Variants in PRKG2 observed in about 807,000 individuals in gnomAD.
PRKG2 encodes cGMP-dependent protein kinase 2.
A neutral mutation model predicts 97.2 loss-of-function variants in PRKG2; 33 were observed. The ratio of observed to expected loss-of-function variants is 0.34; its 90% CI spans 0.26 to 0.45. The LOEUF is 0.45. Ranked by LOEUF, PRKG2 falls within the 20% of genes least tolerant of loss-of-function variation. The probability of loss-of-function intolerance (pLI) is 1.00; values close to 1 mark genes in which losing one functional copy is unlikely to be tolerated. For synonymous variants in PRKG2, 330 were observed against 321.8 expected (o/e 1.03, Z -0.27); for missense variants, 638 against 900.0 (o/e 0.71, Z 3.73).
intron 11 of PRKG2, among the ~76,000 whole-genome samples, chr4:81,141,291 A>G (rs1320983362): frequency 6.6e-6 from 1 of 152,200 alleles, no homozygotes; most frequent in Non-Finnish European, 1.5e-5. Context: ...GATTATAAGC[A>G]TGAGCCACCG....
At chr4:81,172,297 A>G (rs1578465599) in intron 3 of PRKG2, among the ~76,000 whole-genome samples, 1 of 152,246 alleles carries the variant, frequency 6.6e-6, no homozygotes, top group Non-Finnish European at 1.5e-5. Flanking sequence ...ACTGTATGTC[A>G]TAAAAACACA....
intron 9 of PRKG2, among the ~76,000 whole-genome samples, chr4:81,145,774 C>A (rs1404637801): frequency 1.3e-5 from 2 of 152,120 alleles, no homozygotes; most frequent in Non-Finnish European, 2.9e-5. Context: ...AAAGTAAAGA[C>A]CATGCTTTAA....
chr4:81,179,477 T>C (rs1163463123), intron 2 of PRKG2, among the ~76,000 whole-genome samples: 1 of 152,198 alleles, frequency 6.6e-6, no homozygotes, highest in Non-Finnish European at 1.5e-5. Context: ...ATTTTCAAAA[T>C]GTTTTTCCAT....
At chr4:81,150,284 T>C (rs1479823728) in intron 8 of PRKG2, among the ~76,000 whole-genome samples, 3 of 152,202 alleles carry the variant, frequency 2.0e-5, no homozygotes, top group African/African-American at 7.2e-5. Flanking sequence ...GCAAACATTT[T>C]ACAAGTATTA....
chr4:81,111,331 G>A (rs978740091), intron 14 of PRKG2, among the ~76,000 whole-genome samples: 1 of 151,806 alleles, frequency 6.6e-6, no homozygotes, highest in Non-Finnish European at 1.5e-5. Context: ...CAGGCTTTCT[G>A]CTAGGCCTAT....
chr4:81,093,406 A>ACACACACAC (rs1560528537), intron 17 of PRKG2, among the ~76,000 whole-genome samples: 88 of 120,198 alleles, frequency 7.3e-4, no homozygotes, highest in African/African-American at 3.0e-3. Context: ...CACACACACA[A>ACACACACAC]GCTTCTTATC....
At chr4:81,145,687 T>C (rs1251465092) in intron 9 of PRKG2, among the ~76,000 whole-genome samples, 1 of 152,162 alleles carries the variant, frequency 6.6e-6, no homozygotes, top group East Asian at 1.9e-4. Context: ...CTTCCCTGCT[T>C]CTAACTCCAA....
chr4:81,177,583 G>T (rs1484204712), intron 2 of PRKG2, among the ~76,000 whole-genome samples: 1 of 152,048 alleles, frequency 6.6e-6, no homozygotes, highest in Non-Finnish European at 1.5e-5. Flanking sequence ...GGTGCCTGTA[G>T]TCCCAGCTGT....
intron 2 of PRKG2, among the ~76,000 whole-genome samples, chr4:81,188,933 T>C (rs1329270721): frequency 2.6e-5 from 2 of 76,988 alleles, no homozygotes; most frequent in East Asian, 1.0e-3. Context: ...AGATGACACG[T>C]TAGTGGGTGC....
At chr4:81,158,334 C>T (rs1386990523) in intron 6 of PRKG2, among the ~76,000 whole-genome samples, 1 of 138,524 alleles carries the variant, frequency 7.2e-6, no homozygotes, top group Non-Finnish European at 1.5e-5. Flanking sequence ...TTCACAATTG[C>T]TTCAAAGAGA....
upstream of PRKG2, among the ~76,000 whole-genome samples, chr4:81,217,469 T>C (rs1411579181): frequency 6.6e-6 from 1 of 152,146 alleles, no homozygotes; most frequent in Non-Finnish European, 1.5e-5. Context: ...AACTCTACCA[T>C]GCTGAACAAG....
chr4:81,160,340 A>G (rs373882870), intron 6 of PRKG2, among the ~76,000 whole-genome samples: 7 of 152,122 alleles, frequency 4.6e-5, no homozygotes, highest in Admixed American at 3.3e-4. Context: ...ATCTGCACTT[A>G]TGTTTTCTTC....
intron 17 of PRKG2, among the ~76,000 whole-genome samples, chr4:81,093,397 ACACACAC>A (rs992800208): frequency 1.4e-5 from 2 of 147,648 alleles, no homozygotes; most frequent in African/African-American, 5.3e-5. Context: ...ACACACACAC[ACACACAC>A]AAGCTTCTTA....
intron 14 of PRKG2, among the ~76,000 whole-genome samples, chr4:81,125,003 T>A (rs933886374): frequency 6.6e-6 from 1 of 152,172 alleles, no homozygotes; most frequent in Non-Finnish European, 1.5e-5. Context: ...TGTCTACGAC[T>A]CCACTCTATT....
At chr4:81,215,577 G>T (rs1259452529), upstream of PRKG2, among the ~76,000 whole-genome samples, 1 of 151,864 alleles carries the variant, frequency 6.6e-6, no homozygotes. Flanking sequence ...TGTTTTCACT[G>T]CAGGCTCTCT....
At chr4:81,102,255 A>G (rs540052183) in intron 17 of PRKG2, among the ~76,000 whole-genome samples, 9 of 152,328 alleles carry the variant, frequency 5.9e-5, no homozygotes, top group African/African-American at 1.4e-4. Flanking sequence ...TCTAATGACA[A>G]TTTGACAGCT....
chr4:81,132,784 C>T (rs974982841), intron 14 of PRKG2, among the ~76,000 whole-genome samples: 2 of 152,112 alleles, frequency 1.3e-5, no homozygotes, highest in East Asian at 3.8e-4. Context: ...TTGTTAGTTT[C>T]CTTCCATATC....
chr4:81,140,785 A>T, intron 11 of PRKG2, 116 bp from the exon 12 acceptor site: 2 of 823,988 alleles, frequency 2.4e-6, no homozygotes, highest in South Asian at 5.1e-5. Flanking sequence ...TTAGCCACTT[A>T]TCCCTTTGAG....
chr4:81,165,970 A>C (rs1749952510), intron 6 of PRKG2, among the ~76,000 whole-genome samples: 1 of 152,010 alleles, frequency 6.6e-6, no homozygotes, highest in Non-Finnish European at 1.5e-5. Flanking sequence ...AAAAAAAAAA[A>C]CACCCTTAGA....
Sources: allele counts gnomAD v4.1 joint callset (sites outside exome capture counted in the v4.1 genomes callset), GRCh38; gene constraint gnomAD v4.1.1; transcripts MANE v1.5; gene names NCBI Gene and HGNC (gene_info 2026-07-23, HGNC 2026-07-21).